Variants in PCARE observed in about 807,000 individuals in gnomAD.
PCARE encodes the protein uncharacterized protein C2orf71.
Under a neutral mutation model 82.2 loss-of-function variants are expected in PCARE, and 72 were observed. The observed-to-expected ratio is 0.88, with a 90% confidence interval of 0.72 to 1.07. The LOEUF (loss-of-function observed/expected upper bound fraction) is 1.07. Among genes scored for constraint, PCARE ranks in the 50% least tolerant of loss-of-function variants. The pLI, the probability that PCARE is intolerant of heterozygous loss-of-function variation, is 0.00. For synonymous variants in PCARE, 705 were observed against 634.8 expected, an observed-to-expected ratio of 1.11 and a Z score of -1.66; for missense variants, 1,768 against 1,592.4, an observed-to-expected ratio of 1.11 and a Z score of -1.88.
intron 1 of PCARE, among the ~76,000 whole-genome samples, chr2:29,067,870 A>T (rs1287308741): frequency 5.3e-5 from 8 of 151,838 alleles, no homozygotes; most frequent in Non-Finnish European, 7.4e-5. Flanking sequence ...AGCCACTGTT[A>T]CCTCCCTGCC....
rs771105338 is a variant in PCARE at position 29,074,151 on chromosome 2, T to C, written c.111A>G (p.Glu37=). 1.1e-5 allele frequency: 17 copies of C among 1,612,514 alleles called. No homozygotes were observed. The Admixed American group carries it at 2.2e-4, about 21-fold the overall frequency. ...AIRPGCQGGS[E]RGSIPLLVKN... The stretch of plus-strand genomic sequence containing the variant: ...TAACCAGCAAAGGGATGGAACCTCT[T>C]TCACTTCCGCCCTGACATCCTGGCC... Residue 37 remains glutamate, a synonymous_variant, in exon 1 of 2, where the codon GAA becomes GAG. Transcript: ENST00000331664.
In PCARE at chr2:29,072,421, C is replaced by T. The variant is rs1165682056; in HGVS notation, c.1841G>A (p.Arg614Lys). ...VEDPTFQELR[R>K]VQRDLSQKLE... ...CTTCTGACTGAGGTCCCTCTGGACC[C>T]TTCGCAGCTCCTGAAAGGTGGGGTC... Residue 614 changes from arginine (R) to lysine (K), a missense_variant, in exon 1 of 2, where the codon AGG becomes AAG. Arg to Lys is a conservative substitution (Grantham distance 26). Coordinates refer to ENST00000331664, the MANE Select transcript of PCARE (RefSeq NM_001029883.3). The T allele has an allele frequency of 6.2e-7, 1 of 1,614,088 alleles. No homozygotes were observed. The highest frequency in any genetic ancestry group is 8.5e-7 in the Non-Finnish European group (1 of 1,180,050).
In PCARE at chr2:29,074,273, G is replaced by A. The variant is rs934192064; in HGVS notation, c.-12C>T. On this transcript the variant is annotated 5_prime_UTR_variant, in exon 1 of 2. Transcript: ENST00000331664. Reference sequence around the variant, plus strand: ...GGTGTACACCCCATGATTTCAGCTTGTAGTCATCTTCCACCCACCTTCACA... The same window carrying A: ...GGTGTACACCCCATGATTTCAGCTTATAGTCATCTTCCACCCACCTTCACA... 4 of 1,519,756 alleles carry A rather than the reference G, an allele frequency of 2.6e-6. No homozygotes were observed. In the African/African-American group the frequency reaches 5.6e-5, roughly 21 times the overall value. 94.1% of individuals were successfully genotyped at this position (1,519,756 alleles called of 1,614,324 possible).
At position 29,072,969 on chromosome 2, in the gene PCARE, C is replaced by T. The variant is rs1443853546; in HGVS notation, c.1293G>A (p.Arg431=). The T allele has an allele frequency of 5.6e-6, 9 of 1,614,070 alleles. No homozygotes were observed. Among genetic ancestry groups the T allele is most frequent in the East Asian group, 2.2e-5 (1 of 44,868 alleles). The part of the protein sequence containing the change: ...KVQPRAQDEA[R]SPCLSSTSPE... The stretch of plus-strand genomic sequence containing the variant: ...GGCTTGTACTGGAGAGGCATGGGCT[C>T]CTTGCTTCGTCCTGTGCTCGTGGCT... The change falls in exon 1 of 2, where the codon AGG becomes AGA. Residue 431 remains arginine (R), a synonymous_variant. Coordinates refer to ENST00000331664, the MANE Select transcript of PCARE (RefSeq NM_001029883.3).
Position 29,070,827 on chromosome 2 carries a change from T to TG in PCARE, c.3434dup (p.Pro1146ThrfsTer51), listed in dbSNP as rs1667462009. ...CCCCAGCCTCTGGCGGCAGCGATGG[T>TG]GGGGTCAGTGGGTGGGCTGTTGAGA... On this transcript the variant is annotated frameshift_variant, in exon 1 of 2. Coordinates refer to ENST00000331664, the MANE Select transcript of PCARE (RefSeq NM_001029883.3). LOFTEE classifies it high-confidence loss of function. The TG allele has an allele frequency of 6.2e-7, 1 of 1,613,692 alleles. No homozygotes were observed. The highest frequency in any genetic ancestry group is 8.5e-7 in the Non-Finnish European group (1 of 1,179,954).
chr2:29,072,500 GGGC>G lies in PCARE; in HGVS notation c.1759_1761del (p.Ala587del), dbSNP rs751739769. ...GACTGGGACCTCGTCTGCCTCTCAGGGGCCCTCCTGCTGCCACTTACCGTGCTA... is the reference window on the plus strand; with the variant it reads ...GACTGGGACCTCGTCTGCCTCTCAGGCCTCCTGCTGCCACTTACCGTGCTA... On this transcript the variant is annotated inframe_deletion, in exon 1 of 2. Coordinates refer to ENST00000331664, the MANE Select transcript of PCARE (RefSeq NM_001029883.3). 6 of 1,614,084 alleles carry G rather than the reference GGGC, an allele frequency of 3.7e-6. No individual in the cohort carries two copies.
In PCARE at chr2:29,074,097, C is replaced by G; in HGVS notation, c.165G>C (p.Glu55Asp). 2.5e-6 allele frequency: 4 copies of G among 1,614,192 alleles called. No homozygotes were observed. The highest frequency in any genetic ancestry group is 3.4e-6 in the Non-Finnish European group (4 of 1,180,030). The change falls in exon 1 of 2, where the codon GAG becomes GAC. Residue 55 changes from glutamate to aspartate, a missense_variant. Glu to Asp is a conservative substitution (Grantham distance 45). Coordinates refer to ENST00000331664, the MANE Select transcript of PCARE (RefSeq NM_001029883.3). ...VKNSTCYDAG[E>D]GLAEEQPSPR... Reference sequence around the variant, plus strand: ...GACTTGGCTGCTCCTCTGCCAGGCCCTCCCCAGCGTCATAGCAGGTGGAGT... The same window carrying G: ...GACTTGGCTGCTCCTCTGCCAGGCCGTCCCCAGCGTCATAGCAGGTGGAGT...
Position 29,071,814 on chromosome 2 carries a change from A to T in PCARE, c.2448T>A (p.Ser816Arg), listed in dbSNP as rs1480081354. The T allele has an allele frequency of 1.2e-6, 2 of 1,613,754 alleles. No homozygotes were observed. Among genetic ancestry groups the T allele is most frequent in the Non-Finnish European group, 1.7e-6 (2 of 1,179,928 alleles). ...CCTCCATTTCACAGCTGAGCTCCTCACTCTTGGCTGCTTCTGCTTTAGGCA... is the reference window on the plus strand; with the variant it reads ...CCTCCATTTCACAGCTGAGCTCCTCTCTCTTGGCTGCTTCTGCTTTAGGCA... ...PPLPKAEAAKSEELSCEMEGN... is the reference protein window; with the variant it reads ...PPLPKAEAAKREELSCEMEGN... Residue 816 changes from serine (S) to arginine (R), a missense_variant, in exon 1 of 2, where the codon AGT becomes AGA. Ser to Arg is a moderately radical substitution (Grantham distance 110). Coordinates refer to ENST00000331664, the MANE Select transcript of PCARE (RefSeq NM_001029883.3).
chr2:29,065,266 G>A (rs1667375283), intron 1 of PCARE, among the ~76,000 whole-genome samples, 199 bp from the exon 2 acceptor site: 1 of 152,138 alleles, frequency 6.6e-6, no homozygotes, highest in African/African-American at 2.4e-5. Flanking sequence ...TGCAGGGGTG[G>A]GCGCTGTGGG....
intron 1 of PCARE, among the ~76,000 whole-genome samples, chr2:29,065,476 G>A (rs965194379): frequency 1.3e-5 from 2 of 152,246 alleles, no homozygotes; most frequent in African/African-American, 4.8e-5. Context: ...AACCGGCTTC[G>A]CTCAGCTGCC....
rs1667496193 is a variant in PCARE, at chr2:29,071,933, A to G, written c.2329T>C (p.Leu777=). The G allele has an allele frequency of 6.2e-7, 1 of 1,614,202 alleles. No homozygotes were observed. ...GGAGAAATTTGGGGCTTCGGATACA[A>G]AGGGGCAAGCCCTGTGTACTTGGGA... ...RFPKYTGLAP[L]YPKPQISPAS... is the part of the protein sequence containing the mutation. The change falls in exon 1 of 2, where the codon TTG becomes CTG. Residue 777 remains leucine, a synonymous_variant. Coordinates refer to ENST00000331664, the MANE Select transcript of PCARE (RefSeq NM_001029883.3).
At position 29,063,000 on chromosome 2, in the gene PCARE, A is replaced by C. The variant is rs1667334448; in HGVS notation, c.*1869T>G. On this transcript the variant is annotated 3_prime_UTR_variant, in exon 2 of 2. Coordinates refer to ENST00000331664, the MANE Select transcript of PCARE (RefSeq NM_001029883.3). ...CACTTACTTGTGAGCTAGACCTCAA[A>C]GGCCGCTCACACTGTGTGTCTCCTG... 1 of 152,236 alleles carries C rather than the reference A, an allele frequency of 6.6e-6. No individual in the cohort carries two copies. Among genetic ancestry groups the C allele is most frequent in the African/African-American group, 2.4e-5 (1 of 41,450 alleles). The allele number at this position is 152,236 out of a possible 1,614,324, so 9.4% of individuals were successfully genotyped here. A position where few individuals can be genotyped will look rare whatever the true frequency, so the allele number is the denominator to read the frequency against.
chr2:29,064,047 CGA>C lies in PCARE; in HGVS notation c.*820_*821del, dbSNP rs1207006662. ...GAGAGCATTTGCTACATGCTTAGGC[CGA>C]GAGGCAGCGTGGCTGGTATTGTGAG... On this transcript the variant is annotated 3_prime_UTR_variant, in exon 2 of 2. Transcript: ENST00000331664. 6.5e-6 allele frequency: 1 copy of C among 153,648 alleles called. No individual in the cohort carries two copies. Among genetic ancestry groups the C allele is most frequent in the Non-Finnish European group, 1.5e-5 (1 of 68,132 alleles). 9.5% of individuals were successfully genotyped at this position (153,648 alleles called of 1,614,324 possible).
At chr2:29,069,490 C>T (rs2148414251) in intron 1 of PCARE, among the ~76,000 whole-genome samples, 1 of 152,278 alleles carries the variant, frequency 6.6e-6, no homozygotes, top group African/African-American at 2.4e-5. Context: ...ATGATGAGAA[C>T]TCATGGGCAC....
Position 29,071,244 on chromosome 2 carries a change from G to C in PCARE, c.3018C>G (p.Asp1006Glu). The C allele has an allele frequency of 6.2e-7, 1 of 1,612,780 alleles. No homozygotes were observed. The highest frequency in any genetic ancestry group is 8.5e-7 in the Non-Finnish European group (1 of 1,179,478). The change falls in exon 1 of 2, where the codon GAC becomes GAG. Residue 1006 changes from aspartate (D) to glutamate (E), a missense_variant. By Grantham distance (45) the Asp-to-Glu change is conservative (BLOSUM62 2). Coordinates refer to ENST00000331664, the MANE Select transcript of PCARE (RefSeq NM_001029883.3). ...PTRTHWVPQA[D>E]KRRRSLPSSY... ...AGGAGGGAAGGCTCCGGCGCCTCTTGTCTGCTTGAGGCACCCAGTGTGTCC... is the reference window on the plus strand; with the variant it reads ...AGGAGGGAAGGCTCCGGCGCCTCTTCTCTGCTTGAGGCACCCAGTGTGTCC...
chr2:29,074,064 C>T lies in PCARE; in HGVS notation c.198G>A (p.Arg66=), dbSNP rs1484485102. The T allele has an allele frequency of 6.2e-7, 1 of 1,614,188 alleles. No individual in the cohort carries two copies. The highest frequency in any genetic ancestry group is 1.1e-5 in the South Asian group (1 of 91,080). The change falls in exon 1 of 2, where the codon AGG becomes AGA. Residue 66 remains arginine, a synonymous_variant. Coordinates refer to ENST00000331664, the MANE Select transcript of PCARE (RefSeq NM_001029883.3). ...AAAGACCTTTAGCTGTGGTTTGGTT[C>T]CTCCTGGGACTTGGCTGCTCCTCTG... is the stretch of plus-strand genomic sequence containing the variant. The part of the protein sequence containing the change: ...GLAEEQPSPR[R]NQTTAKGLCQ...
rs1667424373 is a variant in PCARE at position 29,068,547 on chromosome 2, T to C, written c.3668+2047A>G. ...TAGACCTCAGACATTTTTTTTTTGT[T>C]TCTATGCCAGGTTGGGAAAAGGCAC... On this transcript the variant is annotated intron_variant, in intron 1 of 1. Coordinates refer to ENST00000331664, the MANE Select transcript of PCARE (RefSeq NM_001029883.3). Among the ~76,000 whole-genome samples, 2 of 152,216 alleles carry C rather than the reference T, an allele frequency of 1.3e-5. 1 individual carries two copies. The highest frequency in any genetic ancestry group is 4.8e-5 in the African/African-American group (2 of 41,448).
rs900634939 is a variant in PCARE at position 29,071,451 on chromosome 2, C to T, written c.2811G>A (p.Lys937=). The change falls in exon 1 of 2, where the codon AAG becomes AAA. Residue 937 remains lysine, a synonymous_variant. Transcript: ENST00000331664. ...PPATSQSPEV[K]GGTWSQAEKA... ...TCTCTGCCTGACTCCAAGTCCCACC[C>T]TTCACCTCGGGGCTTTGGCTGGTGG... is the stretch of plus-strand genomic sequence containing the variant. 10 of 1,612,898 alleles carry T rather than the reference C, an allele frequency of 6.2e-6. No homozygotes were observed. The African/African-American group carries it at 1.2e-4, about 19-fold the overall frequency.
chr2:29,067,323 C>A lies in PCARE; in HGVS notation c.3669-2256G>T, dbSNP rs189051589. ...CTTGCCATTCACAGGGTGGCAAAGG[C>A]TTGATATGCTTACAGCAGGTGCACT... is the stretch of plus-strand genomic sequence containing the variant. On this transcript the variant is annotated intron_variant, in intron 1 of 1. Transcript: ENST00000331664. Among the ~76,000 whole-genome samples the A allele has an allele frequency of 1.1e-3, 174 of 152,254 alleles. 2 individuals carry two copies. The highest frequency in any genetic ancestry group is 1.1e-3 in the Non-Finnish European group (74 of 68,014).
Sources: allele counts gnomAD v4.1 joint callset (sites outside exome capture counted in the v4.1 genomes callset), GRCh38; gene constraint gnomAD v4.1.1; transcripts MANE v1.5; gene names NCBI Gene and HGNC (gene_info 2026-07-23, HGNC 2026-07-21).